Variants in SPDL1 observed in about 807,000 individuals in gnomAD.
SPDL1 encodes the protein spindle apparatus coiled-coil protein 1, also known as protein Spindly.
In SPDL1, 85 loss-of-function variants were observed where a neutral mutation model predicts 79.5. That is an observed-to-expected ratio of 1.07 (90% CI 0.90 to 1.28). The LOEUF is 1.28. Ranked by LOEUF, SPDL1 falls within the 50% of genes most tolerant of loss-of-function variation. SPDL1 has a pLI of 0.00. For missense variants in SPDL1, 703 were observed against 697.8 expected, an observed-to-expected ratio of 1.01 and a Z score of -0.08; for synonymous variants, 269 against 240.3, an observed-to-expected ratio of 1.12 and a Z score of -1.10.
intron 2 of SPDL1, among the ~76,000 whole-genome samples, chr5:169,589,587 C>G (rs553339619): frequency 6.6e-6 from 1 of 151,718 alleles, no homozygotes; most frequent in African/African-American, 2.4e-5. Flanking sequence ...TTGTTTACCC[C>G]TCACTGCTCT....
intron 1 of SPDL1, chr5:169,587,294 A>G (rs761739062): frequency 9.2e-5 from 14 of 152,190 alleles, no homozygotes; most frequent in Admixed American, 1.3e-4. Flanking sequence ...TTCAAGAAAT[A>G]CTCGTTCAGT....
At chr5:169,584,643 T>G (rs1347943674) in intron 1 of SPDL1, among the ~76,000 whole-genome samples, 1 of 152,228 alleles carries the variant, frequency 6.6e-6, no homozygotes, top group Admixed American at 6.5e-5. Flanking sequence ...AAATGCTTTG[T>G]GTGTGCTATA....
At chr5:169,595,562 T>C (rs1238880503) in intron 7 of SPDL1, 2 of 152,218 alleles carry the variant, frequency 1.3e-5, no homozygotes, top group African/African-American at 4.8e-5. Flanking sequence ...ACCTGCTACT[T>C]GGCAAATGAG....
intron 4 of SPDL1, among the ~76,000 whole-genome samples, 181 bp downstream of exon 4, chr5:169,593,729 C>T (rs1157412010): frequency 1.3e-5 from 2 of 151,774 alleles, no homozygotes; most frequent in Non-Finnish European, 2.9e-5. Flanking sequence ...CATAATATAG[C>T]TTTAGACTAT....
intron 11 of SPDL1, 38 bp from the exon 12 acceptor site, chr5:169,604,022 C>A: frequency 6.3e-7 from 1 of 1,578,410 alleles, no homozygotes; most frequent in South Asian, 1.2e-5. Context: ...CCTTCATAAC[C>A]ACATTTGAAT....
At chr5:169,594,810 A>G (rs555199729) in intron 7 of SPDL1, 129 bp downstream of exon 7, 1 of 544,788 alleles carries the variant, frequency 1.8e-6, no homozygotes, top group South Asian at 3.4e-5. Flanking sequence ...GAACTGCATG[A>G]TTTCAAAAAA....
chr5:169,601,919 C>G, intron 11 of SPDL1: 1 of 422,310 alleles, frequency 2.4e-6, no homozygotes, highest in Non-Finnish European at 4.4e-6. Context: ...AGTTTGAATA[C>G]ATGTACTGTT....
chr5:169,602,726 C>T (rs1183569709), intron 11 of SPDL1, among the ~76,000 whole-genome samples: 4 of 152,150 alleles, frequency 2.6e-5, no homozygotes, highest in Non-Finnish European at 5.9e-5. Context: ...ATTACTCCCT[C>T]CTTGGATTTT....
chr5:169,585,508 T>C (rs1754945499), intron 1 of SPDL1, among the ~76,000 whole-genome samples: 1 of 152,196 alleles, frequency 6.6e-6, no homozygotes, highest in East Asian at 1.9e-4. Flanking sequence ...TTTATTTTGG[T>C]AGTTGAGATG....
intron 10 of SPDL1, among the ~76,000 whole-genome samples, chr5:169,600,069 C>G (rs1335374247): frequency 1.3e-5 from 2 of 152,054 alleles, no homozygotes; most frequent in Non-Finnish European, 2.9e-5. Flanking sequence ...AACAAAAGGC[C>G]AAGTGTGAAG....
chr5:169,588,228 T>C (rs1200748253), intron 1 of SPDL1, 166 bp from the exon 2 acceptor site: 1 of 488,234 alleles, frequency 2.0e-6, no homozygotes, highest in East Asian at 3.4e-5. Flanking sequence ...AGAACAGTTC[T>C]TGCTCTTGGA....
In SPDL1 at chr5:169,598,477, A is replaced by T; in HGVS notation, c.1034A>T (p.Asn345Ile). Reference sequence around the variant, plus strand: ...AATACAAACTTTTGCTTTTTTAAGAATTTATATGACAGTATGGAATCTAAG... The same window carrying T: ...AATACAAACTTTTGCTTTTTTAAGATTTTATATGACAGTATGGAATCTAAG... The part of the protein sequence containing the change: ...GEIRNLEKFK[N>I]LYDSMESKPS... The change falls in exon 9 of 12, where the codon AAT becomes ATT. Residue 345 changes from asparagine to isoleucine, a missense_variant and splice_region_variant. Asn to Ile is a moderately radical substitution (Grantham distance 149). Coordinates refer to ENST00000265295, the MANE Select transcript of SPDL1 (RefSeq NM_017785.5). The T allele has an allele frequency of 6.2e-7, 1 of 1,606,318 alleles. No individual in the cohort carries two copies. Among genetic ancestry groups the T allele is most frequent in the Non-Finnish European group, 8.5e-7 (1 of 1,174,104 alleles).
At chr5:169,590,816 A>T (rs1352555755) in intron 2 of SPDL1, 8 of 559,342 alleles carry the variant, frequency 1.4e-5, no homozygotes, top group South Asian at 1.2e-4. Flanking sequence ...TTGACAAGGC[A>T]CAGAAGCAGT....
chr5:169,598,505 T>C lies in SPDL1; in HGVS notation c.1062T>C (p.Pro354=). 2 of 1,613,050 alleles carry C rather than the reference T, an allele frequency of 1.2e-6. No homozygotes were observed. Among genetic ancestry groups the C allele is most frequent in the Non-Finnish European group, 1.7e-6 (2 of 1,179,158 alleles). ...TATATGACAGTATGGAATCTAAGCC[T>C]TCAGTCGACTCTGGTACTCTGGAAG... ...KNLYDSMESK[P]SVDSGTLEDN... Residue 354 remains proline (P), a synonymous_variant, in exon 9 of 12, where the codon CCT becomes CCC. Transcript: ENST00000265295.
chr5:169,590,455 A>G (rs937635755), intron 2 of SPDL1, among the ~76,000 whole-genome samples: 1 of 152,218 alleles, frequency 6.6e-6, no homozygotes. Context: ...ATCATTTTTT[A>G]AAGCCTCTTG....
In SPDL1 at chr5:169,591,057, C is replaced by T. The variant is rs747520244; in HGVS notation, c.169C>T (p.Gln57Ter). The T allele has an allele frequency of 6.2e-7, 1 of 1,611,546 alleles. No homozygotes were observed. Among genetic ancestry groups the T allele is most frequent in the Non-Finnish European group, 8.5e-7 (1 of 1,179,034 alleles). Reference sequence around the variant, plus strand: ...TTGAATCTGTTTTCAGAGTTATGAACAAGAAAAATATACCCTTCAAAGAGA... The same window carrying T: ...TTGAATCTGTTTTCAGAGTTATGAATAAGAAAAATATACCCTTCAAAGAGA... The part of the protein sequence containing the change: ...EMMTMTESYE[Q>*]EKYTLQREVE... Residue 57 changes from glutamine to a stop codon, truncating the protein, a stop_gained, in exon 3 of 12, where the codon CAA (glutamine) becomes TAA (stop). Transcript: ENST00000265295. LOFTEE classifies it high-confidence loss of function.
chr5:169,596,209 C>T (rs185982819), intron 7 of SPDL1: 1 of 166,988 alleles, frequency 6.0e-6, no homozygotes, highest in Non-Finnish European at 1.3e-5. Context: ...AGAAACCCAT[C>T]AGAACCTTAA....
At chr5:169,600,087 A>G (rs752050436) in intron 10 of SPDL1, among the ~76,000 whole-genome samples, 1 of 152,190 alleles carries the variant, frequency 6.6e-6, no homozygotes, top group Non-Finnish European at 1.5e-5. Context: ...AAGGAGTCTA[A>G]GAATGTGATG....
intron 3 of SPDL1, 63 bp from the exon 4 acceptor site, chr5:169,593,291 T>A (rs1755394907): frequency 1.4e-6 from 2 of 1,393,638 alleles, no homozygotes; most frequent in African/African-American, 2.9e-5. Context: ...ATCAGTTCAA[T>A]CAGTGATTGT....
Sources: gnomAD v4.1 joint callset for allele counts (sites outside exome capture counted in the v4.1 genomes callset) on GRCh38, gnomAD v4.1.1 for gene constraint, MANE v1.5 for transcripts, NCBI Gene and HGNC (gene_info 2026-07-23, HGNC 2026-07-21) for gene names.